Variants in DLC1 observed in about 807,000 individuals in gnomAD.
The protein encoded by DLC1 is rho GTPase-activating protein 7.
DLC1 carries 54 observed loss-of-function variants against 140.3 expected under a neutral mutation model. The observed-to-expected ratio is 0.38, with a 90% CI of 0.31 to 0.48. The LOEUF (loss-of-function observed/expected upper bound fraction) is 0.48. Ranked by LOEUF, DLC1 falls within the 20% of genes least tolerant of loss-of-function variation. The pLI is 0.96. For synonymous variants in DLC1, 986 were observed against 728.1 expected (o/e 1.35, Z -5.70); for missense variants, 2,536 against 1,907.0 (o/e 1.33, Z -6.14).
At chr8:13,315,704 C>T (rs1409496305) in intron 4 of DLC1, among the ~76,000 whole-genome samples, 1 of 152,170 alleles carries the variant, frequency 6.6e-6, no homozygotes, top group Admixed American at 6.5e-5. Context: ...TGCCCATCCC[C>T]CTCACCCAGC....
chr8:13,224,456 G>A (rs542252021), intron 5 of DLC1, among the ~76,000 whole-genome samples: 46 of 152,262 alleles, frequency 3.0e-4, no homozygotes, highest in Admixed American at 2.5e-3. Context: ...ACAAATGCCC[G>A]TGTCATTAAT....
intron 4 of DLC1, among the ~76,000 whole-genome samples, chr8:13,321,163 T>A (rs1021029652): frequency 5.3e-5 from 8 of 152,062 alleles, no homozygotes; most frequent in Admixed American, 2.0e-4. Context: ...AAAGAACTTT[T>A]AAAAAAATAC....
At chr8:13,553,848 TA>T (rs1476854890) in intron 1 of DLC1, among the ~76,000 whole-genome samples, 1 of 152,154 alleles carries the variant, frequency 6.6e-6, no homozygotes, top group East Asian at 1.9e-4. Context: ...TCTTAGCCCT[TA>T]TCTTACTCGA....
At chr8:13,478,650 C>T (rs777989724) in intron 2 of DLC1, among the ~76,000 whole-genome samples, 5 of 152,172 alleles carry the variant, frequency 3.3e-5, no homozygotes, top group East Asian at 3.9e-4. Flanking sequence ...AGGCTATCAC[C>T]GCTAGAACTG....
At chr8:13,287,378 C>T (rs1831569417) in intron 5 of DLC1, among the ~76,000 whole-genome samples, 1 of 152,122 alleles carries the variant, frequency 6.6e-6, no homozygotes, top group Non-Finnish European at 1.5e-5. Flanking sequence ...TTTTCTTTTC[C>T]AATTTTATTT....
intron 4 of DLC1, among the ~76,000 whole-genome samples, chr8:13,384,098 A>T (rs988228019): frequency 5.9e-5 from 9 of 152,214 alleles, no homozygotes; most frequent in Non-Finnish European, 1.2e-4. Context: ...CGTTATTGTT[A>T]CTTTAAGCCA....
At chr8:13,458,118 TAGAA>T (rs1350678746) in intron 2 of DLC1, among the ~76,000 whole-genome samples, 2 of 152,096 alleles carry the variant, frequency 1.3e-5, no homozygotes, top group South Asian at 2.1e-4. Flanking sequence ...TAAAAGAAAG[TAGAA>T]AGAGTCTAGA....
chr8:13,208,611 A>G (rs1827784926), intron 5 of DLC1, among the ~76,000 whole-genome samples: 1 of 152,084 alleles, frequency 6.6e-6, no homozygotes, highest in African/African-American at 2.4e-5. Context: ...CCTTTCTGCA[A>G]TGCCCAGAAT....
intron 5 of DLC1, among the ~76,000 whole-genome samples, chr8:13,208,871 A>G (rs757947358): frequency 1.3e-5 from 2 of 152,162 alleles, no homozygotes; most frequent in African/African-American, 2.4e-5. Flanking sequence ...TGTTTCTATC[A>G]GAAGAGAAAA....
At chr8:13,319,407 G>GT (rs1460451027) in intron 4 of DLC1, among the ~76,000 whole-genome samples, 3 of 148,284 alleles carry the variant, frequency 2.0e-5, no homozygotes, top group Non-Finnish European at 1.5e-5. Context: ...GTTTGGATGT[G>GT]TGTCCCCACC....
At chr8:13,404,761 G>T (rs1407040129) in intron 2 of DLC1, among the ~76,000 whole-genome samples, 2 of 152,058 alleles carry the variant, frequency 1.3e-5, no homozygotes, top group African/African-American at 4.8e-5. Context: ...ATTTTGGGAG[G>T]CAGAGGTGGG....
chr8:13,528,948 C>T (rs1803006192), intron 1 of DLC1, among the ~76,000 whole-genome samples: 1 of 152,136 alleles, frequency 6.6e-6, no homozygotes, highest in Admixed American at 6.6e-5. Flanking sequence ...GTTCTATCAC[C>T]ACCATGCATG....
rs149939796 is a variant in DLC1, at chr8:13,294,070, G to T, written c.1348+11199C>A. Among the ~76,000 whole-genome samples the T allele has an allele frequency of 7.2e-4, 109 of 152,286 alleles. 1 individual carries two copies. The highest frequency in any genetic ancestry group is 2.5e-3 in the African/African-American group (103 of 41,566). On this transcript the variant is annotated intron_variant, in intron 5 of 17. Coordinates refer to ENST00000276297, the MANE Select transcript of DLC1 (RefSeq NM_182643.3). The stretch of plus-strand genomic sequence containing the variant: ...TAATATTATAGTGTCATACTGAATA[G>T]TTTCACTATGCGGAAAACCCCCTGT...
intron 2 of DLC1, among the ~76,000 whole-genome samples, chr8:13,467,888 TC>T (rs565630263): frequency 1.4e-3 from 206 of 152,352 alleles, no homozygotes; most frequent in African/African-American, 4.8e-3. Flanking sequence ...AAATGCCCAT[TC>T]CATTTATTCC....
chr8:13,339,916 A>G (rs1394398806), intron 4 of DLC1: 1 of 152,222 alleles, frequency 6.6e-6, no homozygotes, highest in African/African-American at 2.4e-5. Context: ...AGCAGGGAAA[A>G]TCCAGCAATA....
At chr8:13,213,039 G>A (rs1407561512) in intron 5 of DLC1, among the ~76,000 whole-genome samples, 2 of 152,170 alleles carry the variant, frequency 1.3e-5, no homozygotes, top group Admixed American at 1.3e-4. Context: ...GATGTTGAAT[G>A]TAGTGGGAGT....
Position 13,100,037 on chromosome 8 carries a change from G to A in DLC1, c.2300C>T (p.Ala767Val). The A allele has an allele frequency of 6.2e-7, 1 of 1,613,008 alleles. No homozygotes were observed. Among genetic ancestry groups the A allele is most frequent in the Non-Finnish European group, 8.5e-7 (1 of 1,180,038 alleles). ...GTACATGCCCACCCGCTTGTTGCAC[G>A]CACTGAGGCTCCGGGTCCTCGTAAC... is the stretch of plus-strand genomic sequence containing the variant. ...SPVTRTRSLS[A>V]CNKRVGMYLE... is the part of the protein sequence containing the mutation. The change falls in exon 9 of 18, where the codon GCG (alanine) becomes GTG (valine). Residue 767 changes from alanine (A) to valine (V), a missense_variant. Physicochemically the swap from Ala to Val is moderately conservative, Grantham distance 64. Transcript: ENST00000276297.
Position 13,447,351 on chromosome 8 carries a change from A to G in DLC1, c.1024-45732T>C, listed in dbSNP as rs569862567. ...CTTATTAAGGCATACGATTTATGAC[A>G]CTAACCTTTTGCGTGACATTGAGTA... On this transcript the variant is annotated intron_variant, in intron 2 of 17. Coordinates refer to ENST00000276297, the MANE Select transcript of DLC1 (RefSeq NM_182643.3). Among the ~76,000 whole-genome samples, 4 of 152,348 alleles carry G rather than the reference A, an allele frequency of 2.6e-5. No homozygotes were observed. The South Asian group carries it at 8.3e-4, about 32-fold the overall frequency.
chr8:13,171,421 C>A (rs1375319114), intron 5 of DLC1, among the ~76,000 whole-genome samples: 1 of 152,106 alleles, frequency 6.6e-6, no homozygotes, highest in Admixed American at 6.6e-5. Flanking sequence ...CTTGCTCTGT[C>A]ACTCAGACTG....
Sources: gnomAD v4.1 joint callset for allele counts (sites outside exome capture counted in the v4.1 genomes callset) on GRCh38, gnomAD v4.1.1 for gene constraint, MANE v1.5 for transcripts, NCBI Gene and HGNC (gene_info 2026-07-23, HGNC 2026-07-21) for gene names.